Variants in RNF213 observed in about 807,000 individuals in gnomAD.
RNF213 encodes the protein ring finger protein 213, also known as E3 ubiquitin-protein ligase RNF213.
RNF213 carries 341 observed loss-of-function variants against 514.4 expected under a neutral mutation model. The observed-to-expected ratio is 0.66, with a 90% CI of 0.61 to 0.73. The LOEUF (loss-of-function observed/expected upper bound fraction) is 0.73, where lower values mean the gene tolerates loss of function less well. Among genes scored for constraint, RNF213 ranks in the 30% least tolerant of loss-of-function variants. The probability of loss-of-function intolerance (pLI) is 0.00; values close to 1 mark genes in which losing one functional copy is unlikely to be tolerated. For synonymous variants in RNF213, 2,655 were observed against 2,658.2 expected (o/e 1.00, Z 0.04); for missense variants, 5,767 against 6,615.6 (o/e 0.87, Z 4.45).
chr17:80,386,716 C>G lies in RNF213; in HGVS notation c.14747C>G (p.Thr4916Ser). Residue 4916 changes from threonine (T) to serine (S), a missense_variant, in exon 63 of 68, where the codon ACT becomes AGT. By Grantham distance (58) the Thr-to-Ser change is moderately conservative. This residue lies in a region of RNF213 where 1,245 missense variants were observed against 1,339.0 expected (regional missense o/e 0.93). Coordinates refer to ENST00000582970, the MANE Select transcript of RNF213 (RefSeq NM_001256071.3). ...NSYSVDAAEV[T>S]ELHVISYEVE... is the part of the protein sequence containing the mutation. Reference sequence around the variant, plus strand: ...TATTCCGTGGATGCCGCCGAGGTCACTGAACTGCATGTCATCAGTTATGAA... The same window carrying G: ...TATTCCGTGGATGCCGCCGAGGTCAGTGAACTGCATGTCATCAGTTATGAA... 1 of 1,614,238 alleles carries G rather than the reference C, an allele frequency of 6.2e-7. No homozygotes were observed. The highest frequency in any genetic ancestry group is 1.1e-5 in the South Asian group (1 of 91,086).
rs760665858 is a variant in RNF213 at position 80,347,022 on chromosome 17, G to T, written c.8687G>T (p.Arg2896Leu). ...GCCCTTGACCCTGCCAAGATGAACC[G>T]GGGCATTTTTGTGTCACGTGGCAGC... ...NWALDPAKMN[R>L]GIFVSRGSPN... The change falls in exon 29 of 68, where the codon CGG (arginine) becomes CTG (leucine). Residue 2896 changes from arginine to leucine, a missense_variant. Arg to Leu is a moderately radical substitution (Grantham distance 102, BLOSUM62 -2). This residue lies in a region of RNF213 where 919 missense variants were observed against 1,121.0 expected (regional missense o/e 0.82). Coordinates refer to ENST00000582970, the MANE Select transcript of RNF213 (RefSeq NM_001256071.3). This position sits in a 1 kb window ranked among gnomAD's most constrained non-coding sequence, Gnocchi z 7.2. 2 of 1,613,908 alleles carry T rather than the reference G, an allele frequency of 1.2e-6. No homozygotes were observed. Among genetic ancestry groups the T allele is most frequent in the Non-Finnish European group, 1.7e-6 (2 of 1,179,940 alleles).
chr17:80,302,162 A>G (rs2045202166), intron 11 of RNF213, among the ~76,000 whole-genome samples: 1 of 152,208 alleles, frequency 6.6e-6, no homozygotes, highest in Non-Finnish European at 1.5e-5. Context: ...AAGGTTGGCT[A>G]GTGGATACAA....
intron 47 of RNF213, 88 bp downstream of exon 47, chr17:80,372,073 A>G (rs2079538697): frequency 4.9e-6 from 4 of 811,404 alleles, no homozygotes; most frequent in South Asian, 4.2e-5. Context: ...TTTAGTCAGT[A>G]TAATTAACGA....
intron 13 of RNF213, among the ~76,000 whole-genome samples, chr17:80,307,556 TTTG>T (rs2045412500): frequency 1.3e-5 from 2 of 151,008 alleles, no homozygotes; most frequent in African/African-American, 4.9e-5. Context: ...TGTTTGTTTG[TTTG>T]TTTTTTTGAG....
Position 80,374,545 on chromosome 17 carries a change from G to A in RNF213, c.13030G>A (p.Ala4344Thr), listed in dbSNP as rs775168984. 4 of 1,614,102 alleles carry A rather than the reference G, an allele frequency of 2.5e-6. No homozygotes were observed. In the African/African-American group the frequency reaches 5.3e-5, roughly 22 times the overall value. ...YKALRDAVAKAVLECKPLGIK... is the reference protein window; with the variant it reads ...YKALRDAVAKTVLECKPLGIK... ...GGCTCTCCGTGATGCTGTGGCCAAA[G>A]CTGTCCTCGAGTGCAAGCCACTGGG... The change falls in exon 50 of 68, where the codon GCT (alanine) becomes ACT (threonine). Residue 4344 changes from alanine to threonine, a missense_variant. Ala to Thr is a moderately conservative substitution (Grantham distance 58, BLOSUM62 0). This residue lies in a region of RNF213 where 1,245 missense variants were observed against 1,339.0 expected (regional missense o/e 0.93). Transcript: ENST00000582970.
chr17:80,390,110 C>T lies in RNF213; in HGVS notation c.15384C>T (p.Ala5128=). The change falls in exon 67 of 68, where the codon GCC becomes GCT. Residue 5128 remains alanine (A), a synonymous_variant. Transcript: ENST00000582970. Reference sequence around the variant, plus strand: ...TCCTAAATCAGACTGGCCTAGACGCCTTCCTGCTAGAGCTGCACGAAATGA... The same window carrying T: ...TCCTAAATCAGACTGGCCTAGACGCTTTCCTGCTAGAGCTGCACGAAATGA... ...STFLNQTGLD[A]FLLELHEMII... is the part of the protein sequence containing the mutation. 6.2e-7 allele frequency: 1 copy of T among 1,614,228 alleles called. No homozygotes were observed.
At chr17:80,380,810 G>C (rs749322415) in intron 55 of RNF213, 21 bp from the exon 56 acceptor site, 1 of 1,614,146 alleles carries the variant, frequency 6.2e-7, no homozygotes, top group Non-Finnish European at 8.5e-7. Context: ...CCTCTGTCTT[G>C]TGTTCTCTCG....
intron 3 of RNF213, among the ~76,000 whole-genome samples, chr17:80,282,742 G>A (rs146434253): frequency 1.6e-4 from 25 of 151,980 alleles, no homozygotes; most frequent in African/African-American, 5.8e-4. Flanking sequence ...TGTCTCCCAG[G>A]CTGGAGTGCA....
In RNF213 at chr17:80,374,587, AAG is replaced by A. The variant is rs750471785; in HGVS notation, c.13073_13074del (p.Lys4358SerfsTer19). ...CKPLGIKTAL[K>X]ACKTPQSQQS... ...GCCACTGGGCATTAAGACTGCTCTG[AAG>A]GTAGGATGGGCCCGTGGCTTCTCTC... is the stretch of plus-strand genomic sequence containing the variant. On this transcript the variant is annotated frameshift_variant and splice_region_variant, in exon 50 of 68. Coordinates refer to ENST00000582970, the MANE Select transcript of RNF213 (RefSeq NM_001256071.3). LOFTEE classifies it high-confidence loss of function. 1.7e-5 allele frequency: 27 copies of A among 1,614,134 alleles called. No homozygotes were observed. The highest frequency in any genetic ancestry group is 2.3e-5 in the Non-Finnish European group (27 of 1,179,996).
At chr17:80,364,824 A>G (rs1181689352) in intron 42 of RNF213, 6 of 444,556 alleles carry the variant, frequency 1.3e-5, no homozygotes, top group Non-Finnish European at 2.5e-5. Flanking sequence ...CGCAGGGAAC[A>G]TGCTTGTGAA....
chr17:80,289,358 G>A (rs1477078801), intron 5 of RNF213, among the ~76,000 whole-genome samples: 1 of 152,180 alleles, frequency 6.6e-6, no homozygotes, highest in Non-Finnish European at 1.5e-5. Context: ...GGGAAGCCCA[G>A]GCGGGTGCAT....
chr17:80,384,238 T>C (rs2080139470), intron 59 of RNF213, among the ~76,000 whole-genome samples: 1 of 152,188 alleles, frequency 6.6e-6, no homozygotes. Context: ...GATGCAGCTC[T>C]TTCCCAGCCG....
chr17:80,332,383 A>C lies in RNF213; in HGVS notation c.3895A>C (p.Thr1299Pro). The change falls in exon 21 of 68, where the codon ACC (threonine) becomes CCC (proline). Residue 1299 changes from threonine (T) to proline (P), a missense_variant. Coordinates refer to ENST00000582970, the MANE Select transcript of RNF213 (RefSeq NM_001256071.3). ...CCAGGATCTAAAGTCAGGAGAGGTC[A>C]CCCTTGCAGAGATTGATGTCATCTT... ...LHQDLKSGEV[T>P]LAEIDVIFKD... 1 of 1,537,144 alleles carries C rather than the reference A, an allele frequency of 6.5e-7. No individual in the cohort carries two copies. The highest frequency in any genetic ancestry group is 8.7e-7 in the Non-Finnish European group (1 of 1,146,910).
At position 80,295,510 on chromosome 17, in the gene RNF213, G is replaced by T. The variant is rs757244125; in HGVS notation, c.1756-47G>T. 5 of 1,612,342 alleles carry T rather than the reference G, an allele frequency of 3.1e-6. No homozygotes were observed. In the East Asian group the frequency reaches 1.1e-4, roughly 36 times the overall value. ...TGGGGCAGCTCTGGACACTGCCGGT[G>T]AATTCAAGTCCATGGTTCATGCATC... On this transcript the variant is annotated intron_variant, in intron 9 of 67. Transcript: ENST00000582970.
At position 80,345,889 on chromosome 17, in the gene RNF213, G is replaced by C. The variant is rs931600167; in HGVS notation, c.7554G>C (p.Leu2518=). Residue 2518 remains leucine, a synonymous_variant, in exon 29 of 68, where the codon CTG becomes CTC. Transcript: ENST00000582970. This position sits in a 1 kb window ranked among gnomAD's most constrained non-coding sequence, Gnocchi z 6.0. The part of the protein sequence containing the change: ...DGQPLAEDSG[L]HIIAACNPYR... ...AGCCTCTGGCTGAGGACTCTGGCCT[G>C]CATATTATAGCTGCCTGCAATCCAT... 3.1e-6 allele frequency: 5 copies of C among 1,614,196 alleles called. No individual in the cohort carries two copies. The Admixed American group carries it at 8.3e-5, about 27-fold the overall frequency.
chr17:80,351,799 C>A lies in RNF213; in HGVS notation c.10299C>A (p.His3433Gln), dbSNP rs755954725. Reference sequence around the variant, plus strand: ...GAGGAACAGCCTATGTGGGCTTCCACGGAGGTGAGATCAGAACATCAGTCA... The same window carrying A: ...GAGGAACAGCCTATGTGGGCTTCCAAGGAGGTGAGATCAGAACATCAGTCA... The part of the protein sequence containing the change: ...VGRGTAYVGF[H>Q]GGLWQSVHID... The change falls in exon 32 of 68, where the codon CAC becomes CAA. Residue 3433 changes from histidine to glutamine, a missense_variant. Physicochemically the swap from His to Gln is conservative, Grantham distance 24. Coordinates refer to ENST00000582970, the MANE Select transcript of RNF213 (RefSeq NM_001256071.3). The A allele has an allele frequency of 1.3e-6, 2 of 1,507,538 alleles. No homozygotes were observed. Among genetic ancestry groups the A allele is most frequent in the Admixed American group, 3.3e-5 (2 of 59,884 alleles). 93.4% of individuals were successfully genotyped at this position (1,507,538 alleles called of 1,614,324 possible).
At chr17:80,322,725 A>G (rs899724429) in intron 17 of RNF213, among the ~76,000 whole-genome samples, 1 of 152,046 alleles carries the variant, frequency 6.6e-6, no homozygotes, top group African/African-American at 2.4e-5. Context: ...TCTTTTGCTC[A>G]TTTTTAAATT....
Position 80,332,491 on chromosome 17 carries a change from T to C in RNF213, c.4003T>C (p.Trp1335Arg). Reference protein sequence around the residue: ...CTVDHQDQRDWIKDRVEQIKE... With the variant: ...CTVDHQDQRDRIKDRVEQIKE... ...CGTGGACCACCAGGACCAAAGAGAT[T>C]GGATCAAGGACCGAGTCGAACAGAT... Residue 1335 changes from tryptophan to arginine, a missense_variant, in exon 21 of 68, where the codon TGG (tryptophan) becomes CGG (arginine). By Grantham distance (101) the Trp-to-Arg change is moderately radical. Around this residue, in one of 13 missense-constraint regions of RNF213, gnomAD observed 516 missense variants for 566.5 expected, o/e 0.91. Transcript: ENST00000582970. 1 of 1,537,128 alleles carries C rather than the reference T, an allele frequency of 6.5e-7. No individual in the cohort carries two copies. The highest frequency in any genetic ancestry group is 8.7e-7 in the Non-Finnish European group (1 of 1,146,844).
At chr17:80,274,300 C>T (rs776634492) in intron 3 of RNF213, among the ~76,000 whole-genome samples, 2 of 151,702 alleles carry the variant, frequency 1.3e-5, no homozygotes, top group South Asian at 2.1e-4. Context: ...CAAGAGAATG[C>T]GTCCTTGTTA....
Sources: allele counts gnomAD v4.1 joint callset (sites outside exome capture counted in the v4.1 genomes callset), GRCh38; gene constraint gnomAD v4.1.1; regional missense constraint gnomAD v4.1.1; non-coding constraint Gnocchi (gnomAD v3.1); transcripts MANE v1.5; gene names NCBI Gene and HGNC (gene_info 2026-07-23, HGNC 2026-07-21).